Variants in AKR1C8 observed in about 807,000 individuals in gnomAD.
The protein encoded by AKR1C8 is aldo-keto reductase family 1 member C8.
chr10:5,120,371 G>A, the AKR1C8 span, among the ~76,000 whole-genome samples: 1 of 35,508 alleles, frequency 2.8e-5, no homozygotes, highest in Non-Finnish European at 4.8e-5. Flanking sequence ...TTCCTCTAGT[G>A]CCACTGGTTA....
At chr10:5,171,586 C>T in the AKR1C8 span, among the ~76,000 whole-genome samples, 1 of 151,926 alleles carries the variant, frequency 6.6e-6, no homozygotes, top group Non-Finnish European at 1.5e-5. Context: ...TTTAATAAAA[C>T]CTTGTATACA....
At chr10:5,128,963 G>C in the AKR1C8 span, among the ~76,000 whole-genome samples, 1 of 151,970 alleles carries the variant, frequency 6.6e-6, no homozygotes, top group Admixed American at 6.6e-5. Flanking sequence ...CATTCTACCC[G>C]CCAACTGCGG....
the AKR1C8 span, among the ~76,000 whole-genome samples, chr10:5,181,727 G>T: frequency 6.6e-6 from 1 of 152,044 alleles, no homozygotes; most frequent in East Asian, 1.9e-4. Context: ...CATAATTAAG[G>T]TTATTGTGTT....
the AKR1C8 span, chr10:5,158,485 C>T: frequency 1.3e-5 from 5 of 379,128 alleles, no homozygotes; most frequent in East Asian, 2.9e-4. Flanking sequence ...CGTTGCTTTT[C>T]GCTTTTAATC....
At chr10:5,155,248 A>C in the AKR1C8 span, 1 of 152,260 alleles carries the variant, frequency 6.6e-6, no homozygotes, top group Non-Finnish European at 1.5e-5. Flanking sequence ...ATGTAAACAC[A>C]AAGATAGAGC....
At chr10:5,123,797 G>A in the AKR1C8 span, 2 of 1,613,128 alleles carry the variant, frequency 1.2e-6, no homozygotes, top group Admixed American at 1.7e-5. Flanking sequence ...GTTTGCTCTG[G>A]TTGAGGTAAG....
At chr10:5,141,238 T>G in the AKR1C8 span, among the ~76,000 whole-genome samples, 2 of 152,184 alleles carry the variant, frequency 1.3e-5, no homozygotes, top group Non-Finnish European at 2.9e-5. Context: ...TCTTAATCTC[T>G]TAAAGTTTTA....
chr10:5,140,568 G>A, the AKR1C8 span, among the ~76,000 whole-genome samples: 2 of 150,968 alleles, frequency 1.3e-5, no homozygotes, highest in South Asian at 2.1e-4. Flanking sequence ...AACACCACAT[G>A]TTCTCACTCA....
the AKR1C8 span, among the ~76,000 whole-genome samples, chr10:5,145,078 G>T: frequency 1.3e-5 from 2 of 151,524 alleles, no homozygotes; most frequent in Admixed American, 1.3e-4. Context: ...TTTTTAGCAT[G>T]AAGGGTTGTT....
chr10:5,140,872 T>C, the AKR1C8 span, among the ~76,000 whole-genome samples: 40 of 152,250 alleles, frequency 2.6e-4, no homozygotes, highest in Admixed American at 2.6e-3. Flanking sequence ...TCCCTCACTG[T>C]TGATTGCTGC....
the AKR1C8 span, chr10:5,161,850 G>T: frequency 1.9e-6 from 1 of 534,612 alleles, no homozygotes. Context: ...AAAAACAAAA[G>T]CTGACCTTCA....
chr10:5,156,546 A>ATCTG, the AKR1C8 span, among the ~76,000 whole-genome samples: 1 of 151,876 alleles, frequency 6.6e-6, no homozygotes, highest in Admixed American at 6.6e-5. Flanking sequence ...CTATCTATCT[A>ATCTG]TCTATCTAAT....
chr10:5,166,347 A>G, the AKR1C8 span, among the ~76,000 whole-genome samples: 3 of 152,208 alleles, frequency 2.0e-5, no homozygotes, highest in Non-Finnish European at 4.4e-5. Flanking sequence ...CTAAGCCAAA[A>G]AAACAAAGCT....
the AKR1C8 span, among the ~76,000 whole-genome samples, chr10:5,180,817 G>A: frequency 8.9e-4 from 136 of 152,320 alleles, no homozygotes; most frequent in Admixed American, 1.6e-3. Context: ...CTCCTGGTGC[G>A]CTGTTTTTTA....
the AKR1C8 span, among the ~76,000 whole-genome samples, chr10:5,169,223 G>T: frequency 1.3e-5 from 2 of 152,192 alleles, no homozygotes; most frequent in Admixed American, 1.3e-4. Context: ...TAGAAAGGGA[G>T]CTGCAATTTA....
chr10:5,180,433 C>T, the AKR1C8 span, among the ~76,000 whole-genome samples: 2 of 152,352 alleles, frequency 1.3e-5, no homozygotes, highest in Middle Eastern at 6.8e-3. Flanking sequence ...GGGTCAGGGA[C>T]CCACTTGAGG....
chr10:5,126,402 A>T, the AKR1C8 span, among the ~76,000 whole-genome samples: 4 of 152,136 alleles, frequency 2.6e-5, no homozygotes, highest in African/African-American at 9.7e-5. Context: ...GAACACTGGG[A>T]CAAGAGTGAG....
chr10:5,166,921 T>C, the AKR1C8 span, among the ~76,000 whole-genome samples: 2 of 147,044 alleles, frequency 1.4e-5, no homozygotes, highest in Admixed American at 1.4e-4. Flanking sequence ...GAATCTACAA[T>C]GAACTCCAAC....
At chr10:5,117,289 C>A in the AKR1C8 span, among the ~76,000 whole-genome samples, 1 of 152,102 alleles carries the variant, frequency 6.6e-6, no homozygotes, top group Non-Finnish European at 1.5e-5. Flanking sequence ...CGGACTTGAG[C>A]TGCCCTCAGA....
Sources: allele counts gnomAD v4.1 joint callset (sites outside exome capture counted in the v4.1 genomes callset), GRCh38; gene constraint gnomAD v4.1.1; transcripts MANE v1.5; gene names NCBI Gene and HGNC (gene_info 2026-07-23, HGNC 2026-07-21).